TRRAP: variants seen among roughly 807,000 people sequenced by gnomAD.
TRRAP encodes transformation/transcription domain associated protein.
A neutral mutation model predicts 438.8 loss-of-function variants in TRRAP; 41 were observed. The ratio of observed to expected loss-of-function variants is 0.09; its 90% CI spans 0.07 to 0.12. TRRAP has a LOEUF of 0.12. Ranked by LOEUF, TRRAP falls within the 10% of genes least tolerant of loss-of-function variation. The probability of loss-of-function intolerance (pLI) is 1.00; values close to 1 mark genes in which losing one functional copy is unlikely to be tolerated. For synonymous variants in TRRAP, 1,994 were observed against 1,962.9 expected (o/e 1.02, Z -0.42); for missense variants, 3,122 against 5,055.1 (o/e 0.62, Z 11.60).
At chr7:98,882,776 C>CTTA (rs1795513621) in intron 3 of TRRAP, among the ~76,000 whole-genome samples, 1 of 151,982 alleles carries the variant, frequency 6.6e-6, no homozygotes, top group African/African-American at 2.4e-5. Context: ...ATTCTCCTGC[C>CTTA]GTAGCCTCCC....
At chr7:98,923,199 A>G (rs1789878271) in intron 21 of TRRAP, among the ~76,000 whole-genome samples, 1 of 152,170 alleles carries the variant, frequency 6.6e-6, no homozygotes, top group Non-Finnish European at 1.5e-5. Context: ...TGCGTATTTT[A>G]TTTGACTCTG....
intron 67 of TRRAP, chr7:98,999,967 AAG>A: frequency 4.6e-6 from 1 of 216,458 alleles, no homozygotes; most frequent in Non-Finnish European, 8.9e-6. Context: ...ATCAGAAAAA[AAG>A]GATGTCAGCA....
intron 48 of TRRAP, 41 bp from the exon 49 acceptor site, chr7:98,965,655 G>A (rs371437139): frequency 3.7e-6 from 6 of 1,611,664 alleles, no homozygotes; most frequent in African/African-American, 1.3e-5. Context: ...TTAAATCAAC[G>A]TTTAGAGACC....
chr7:98,943,534 G>A (rs1433121609), intron 31 of TRRAP, among the ~76,000 whole-genome samples: 4 of 152,254 alleles, frequency 2.6e-5, no homozygotes, highest in South Asian at 2.1e-4. Flanking sequence ...CAAGGTCTGC[G>A]TCATCCACCC....
Position 98,964,502 on chromosome 7 carries a change from A to G in TRRAP, c.6830-127A>G, listed in dbSNP as rs1447677085. 3 of 1,078,284 alleles carry G rather than the reference A, an allele frequency of 2.8e-6. No individual in the cohort carries two copies. In the African/African-American group the frequency reaches 4.7e-5, roughly 17 times the overall value. 66.8% of individuals were successfully genotyped at this position (1,078,284 alleles called of 1,614,324 possible). ...TGTAGCGTGAGCCATGTAAAAGCTC[A>G]CAGTGTTGACACTGGGATTAACTAT... is the stretch of plus-strand genomic sequence containing the variant. On this transcript the variant is annotated intron_variant, in intron 47 of 72. Coordinates refer to ENST00000456197, the MANE Select transcript of TRRAP (RefSeq NM_001375524.1).
At chr7:99,004,560 G>C (rs1794075769) in intron 68 of TRRAP, 145 bp downstream of exon 68, 1 of 764,932 alleles carries the variant, frequency 1.3e-6, no homozygotes, top group African/African-American at 1.8e-5. Flanking sequence ...TGGAATGTAA[G>C]TGGTCAGGCA....
At chr7:99,002,135 T>TGGGGGG (rs1793954460) in intron 67 of TRRAP, among the ~76,000 whole-genome samples, 3 of 41,830 alleles carry the variant, frequency 7.2e-5, no homozygotes, top group African/African-American at 3.0e-4. Flanking sequence ...GGGGGTGGGG[T>TGGGGGG]GGTGGGGGTG....
intron 7 of TRRAP, among the ~76,000 whole-genome samples, chr7:98,897,141 G>A (rs1470756025): frequency 2.0e-5 from 3 of 152,116 alleles, no homozygotes; most frequent in African/African-American, 7.2e-5. Context: ...AGGCTGAGGC[G>A]GGAGAATCAC....
chr7:98,967,378 T>G, intron 50 of TRRAP, 107 bp from the exon 51 acceptor site: 1 of 1,383,840 alleles, frequency 7.2e-7, no homozygotes, highest in Non-Finnish European at 1.0e-6. Flanking sequence ...CTCTTGGTTT[T>G]CATAGTGGCA....
In TRRAP at chr7:98,976,920, C is replaced by T; in HGVS notation, c.8248-19C>T. On this transcript the variant is annotated intron_variant, in intron 55 of 72. Transcript: ENST00000456197. This position sits in a 1 kb window ranked among gnomAD's most constrained non-coding sequence, Gnocchi z 4.6. ...AGTCTCTGTCTCAAGCACTCAGGAACCTTACTTTGTGTTTTCAGGAGATAC... is the reference window on the plus strand; with the variant it reads ...AGTCTCTGTCTCAAGCACTCAGGAATCTTACTTTGTGTTTTCAGGAGATAC... 2 of 1,613,830 alleles carry T rather than the reference C, an allele frequency of 1.2e-6. No individual in the cohort carries two copies. The highest frequency in any genetic ancestry group is 1.6e-4 in the Middle Eastern group (1 of 6,062).
chr7:98,996,853 C>G (rs918102457), intron 67 of TRRAP, among the ~76,000 whole-genome samples: 2 of 152,130 alleles, frequency 1.3e-5, no homozygotes, highest in South Asian at 4.1e-4. Context: ...GAATAAATAG[C>G]AGCAACTCTG....
chr7:98,942,928 C>T (rs1269725628), intron 30 of TRRAP, 21 bp from the exon 31 acceptor site: 11 of 1,613,910 alleles, frequency 6.8e-6, no homozygotes, highest in Middle Eastern at 1.6e-4. Context: ...AGTTGTGTCT[C>T]AGGATGTGTT....
At chr7:98,973,712 G>C (rs1584380147) in intron 53 of TRRAP, among the ~76,000 whole-genome samples, 1 of 152,286 alleles carries the variant, frequency 6.6e-6, no homozygotes, top group Middle Eastern at 3.4e-3. Context: ...TAAGAGGATT[G>C]CTCAGGCCGG....
intron 18 of TRRAP, among the ~76,000 whole-genome samples, chr7:98,912,870 A>G (rs1217733116): frequency 6.6e-6 from 1 of 152,152 alleles, no homozygotes; most frequent in African/African-American, 2.4e-5. Flanking sequence ...GTTGTTTGAC[A>G]AGGAGACAGG....
Position 98,994,915 on chromosome 7 carries a change from G to A in TRRAP, c.10309+67G>A. 2.5e-6 allele frequency: 4 copies of A among 1,576,530 alleles called. No homozygotes were observed. Among genetic ancestry groups the A allele is most frequent in the South Asian group, 2.3e-5 (2 of 85,486 alleles). On this transcript the variant is annotated intron_variant, in intron 67 of 72. Coordinates refer to ENST00000456197, the MANE Select transcript of TRRAP (RefSeq NM_001375524.1). The surrounding 1 kb of genome is among the most constrained non-coding windows in gnomAD (Gnocchi z 4.8). ...CACGCTGATTTCCTCCGGCTTTAGT[G>A]TTGAAGCTGATTGGATCCTTGGTTT...
At position 98,932,936 on chromosome 7, in the gene TRRAP, A is replaced by G. The variant is rs374235266; in HGVS notation, c.3853-305A>G. 9.9e-5 allele frequency among the ~76,000 whole-genome samples: 15 copies of G among 152,062 alleles called. No individual in the cohort carries two copies. In the East Asian group the frequency reaches 2.3e-3, roughly 23 times the overall value. On this transcript the variant is annotated intron_variant, in intron 26 of 72. Coordinates refer to ENST00000456197, the MANE Select transcript of TRRAP (RefSeq NM_001375524.1). Reference sequence around the variant, plus strand: ...AGTGTACTTCAAGAGAGTAGAGGGTAGCATTCCTGAGGCTATAGCACAGTC... The same window carrying G: ...AGTGTACTTCAAGAGAGTAGAGGGTGGCATTCCTGAGGCTATAGCACAGTC...
At position 98,955,280 on chromosome 7, in the gene TRRAP, G is replaced by T; in HGVS notation, c.5913G>T (p.Leu1971=). ...GHTVPQLVHI[L]HLIVQHFKVY... The stretch of plus-strand genomic sequence containing the variant: ...CCGTCCCGCAGCTGGTCCACATTCT[G>T]CACCTGATAGTGCAACACTTCAAGG... The change falls in exon 41 of 73, where the codon CTG becomes CTT. Residue 1971 remains leucine (L), a synonymous_variant. Coordinates refer to ENST00000456197, the MANE Select transcript of TRRAP (RefSeq NM_001375524.1). The T allele has an allele frequency of 1.9e-6, 3 of 1,613,778 alleles. No individual in the cohort carries two copies. The highest frequency in any genetic ancestry group is 2.5e-6 in the Non-Finnish European group (3 of 1,179,782).
intron 67 of TRRAP, among the ~76,000 whole-genome samples, chr7:98,998,124 G>GT (rs1334111287): frequency 6.6e-6 from 1 of 152,134 alleles, no homozygotes; most frequent in African/African-American, 2.4e-5. Context: ...ACCCACCCCA[G>GT]TTGTAGGGAG....
Position 98,886,355 on chromosome 7 carries a change from TATAG to T in TRRAP, c.151-3974_151-3971del, listed in dbSNP as rs200672931. Among the ~76,000 whole-genome samples, 1,028 of 150,600 alleles carry T rather than the reference TATAG, an allele frequency of 6.8e-3. 13 individuals are homozygous for T. The highest frequency in any genetic ancestry group is 0.02 in the African/African-American group (814 of 40,230). On this transcript the variant is annotated intron_variant, in intron 3 of 72. Coordinates refer to ENST00000456197, the MANE Select transcript of TRRAP (RefSeq NM_001375524.1). Reference sequence around the variant, plus strand: ...AGATATAGATAGATATAGATATCTATATAGATAGAGATAGATATAGATATCTAGA... The same window carrying T: ...AGATATAGATAGATATAGATATCTATATAGAGATAGATATAGATATCTAGA...
Sources: gnomAD v4.1 joint callset for allele counts (sites outside exome capture counted in the v4.1 genomes callset) on GRCh38, gnomAD v4.1.1 for gene constraint, Gnocchi (gnomAD v3.1) non-coding constraint, MANE v1.5 for transcripts, NCBI Gene and HGNC (gene_info 2026-07-23, HGNC 2026-07-21) for gene names.